ST8SIA2: variants seen among roughly 807,000 people sequenced by gnomAD.
ST8SIA2 encodes the protein alpha-2,8-sialyltransferase 8B.
A neutral mutation model predicts 37.6 loss-of-function variants in ST8SIA2; 22 were observed. That is an observed-to-expected ratio of 0.58 (90% confidence interval 0.42 to 0.83). The LOEUF (loss-of-function observed/expected upper bound fraction) is 0.83. Ranked by LOEUF, ST8SIA2 falls within the 40% of genes least tolerant of loss-of-function variation. ST8SIA2 has a pLI of 0.00. For missense variants in ST8SIA2, 382 were observed against 484.7 expected, an observed-to-expected ratio of 0.79 and a Z score of 1.99; for synonymous variants, 205 against 201.2, an observed-to-expected ratio of 1.02 and a Z score of -0.16.
At chr15:92,416,807 A>G (rs1181096138) in intron 1 of ST8SIA2, among the ~76,000 whole-genome samples, 1 of 151,896 alleles carries the variant, frequency 6.6e-6, no homozygotes, top group East Asian at 1.9e-4. Context: ...AAAAATGCAC[A>G]TGTCCACTCC....
intron 1 of ST8SIA2, among the ~76,000 whole-genome samples, chr15:92,412,618 G>A (rs2049557856): frequency 6.6e-6 from 1 of 152,088 alleles, no homozygotes; most frequent in Non-Finnish European, 1.5e-5. Flanking sequence ...ATGCAGTCTG[G>A]TATGCACCAC....
At position 92,448,576 on chromosome 15, in the gene ST8SIA2, C is replaced by G. The variant is rs545347719; in HGVS notation, c.842+3647C>G. The stretch of plus-strand genomic sequence containing the variant: ...AAGGGTCCAGACCCCAGCTCCGTGA[C>G]TGGCTTGGTTGTATCACCTGCCTTC... On this transcript the variant is annotated intron_variant, in intron 5 of 5. Transcript: ENST00000268164. Among the ~76,000 whole-genome samples, 17 of 152,368 alleles carry G rather than the reference C, an allele frequency of 1.1e-4. No individual in the cohort carries two copies. The East Asian group carries it at 3.3e-3, about 29-fold the overall frequency.
chr15:92,423,775 A>T (rs2049654404), intron 1 of ST8SIA2, among the ~76,000 whole-genome samples: 1 of 152,272 alleles, frequency 6.6e-6, no homozygotes, highest in African/African-American at 2.4e-5. Flanking sequence ...GTTGCATTGG[A>T]GGTTAATTTT....
intron 1 of ST8SIA2, among the ~76,000 whole-genome samples, chr15:92,397,913 A>G (rs2049443009): frequency 6.6e-6 from 1 of 152,180 alleles, no homozygotes; most frequent in Admixed American, 6.5e-5. Context: ...CAGGTAGATC[A>G]CCTGAGGTCA....
intron 2 of ST8SIA2, among the ~76,000 whole-genome samples, chr15:92,431,722 C>T (rs187896098): frequency 3.9e-5 from 6 of 152,268 alleles, no homozygotes; most frequent in African/African-American, 1.4e-4. Context: ...ACCTGTGAAC[C>T]GAGGTGGACC....
intron 1 of ST8SIA2, chr15:92,421,347 A>G (rs1445898453): frequency 2.6e-5 from 4 of 152,216 alleles, no homozygotes; most frequent in East Asian, 3.8e-4. Context: ...TGCTTTTCAC[A>G]TCGTAGAGCA....
chr15:92,394,050 G>A lies in ST8SIA2; in HGVS notation c.-15G>A, dbSNP rs1407003467. 6.5e-7 allele frequency: 1 copy of A among 1,544,828 alleles called. No homozygotes were observed. The highest frequency in any genetic ancestry group is 8.7e-7 in the Non-Finnish European group (1 of 1,144,104). On this transcript the variant is annotated 5_prime_UTR_variant, in exon 1 of 6. Transcript: ENST00000268164. ...CGCGCCGGCCCGCGTGGGTCCCGGC[G>A]GGCGCGAACCCACCATGCAGCTGCA...
intron 1 of ST8SIA2, among the ~76,000 whole-genome samples, chr15:92,398,886 A>G (rs2049451117): frequency 6.6e-6 from 1 of 152,226 alleles, no homozygotes; most frequent in Non-Finnish European, 1.5e-5. Flanking sequence ...GTTCTTCTAA[A>G]GGCCCAGAGT....
In ST8SIA2 at chr15:92,436,897, G is replaced by A. The variant is rs569399617; in HGVS notation, c.291-1456G>A. ...ACCTGGACACACATTAAAGTCACCC[G>A]GGGAGCTTTTGAGAGCAATGCTGAG... is the stretch of plus-strand genomic sequence containing the variant. On this transcript the variant is annotated intron_variant, in intron 3 of 5. Coordinates refer to ENST00000268164, the MANE Select transcript of ST8SIA2 (RefSeq NM_006011.4). Among the ~76,000 whole-genome samples the A allele has an allele frequency of 2.8e-4, 43 of 152,236 alleles. 2 individuals are homozygous for A. The South Asian group carries it at 8.5e-3, about 30-fold the overall frequency.
At chr15:92,446,154 A>C (rs1362936901) in intron 5 of ST8SIA2, among the ~76,000 whole-genome samples, 1 of 152,224 alleles carries the variant, frequency 6.6e-6, no homozygotes, top group Non-Finnish European at 1.5e-5. Flanking sequence ...AGGTGCAGTC[A>C]GACTGGCTAG....
chr15:92,449,320 T>A (rs1480272538), intron 5 of ST8SIA2, among the ~76,000 whole-genome samples: 1 of 152,202 alleles, frequency 6.6e-6, no homozygotes, highest in Non-Finnish European at 1.5e-5. Context: ...TCAGGGACAG[T>A]TACTTGTGAA....
At position 92,467,630 on chromosome 15, in the gene ST8SIA2, TA is replaced by T. The variant is rs1371119229; in HGVS notation, c.*3246del. 2.6e-5 allele frequency: 4 copies of T among 152,202 alleles called. No homozygotes were observed. Among genetic ancestry groups the T allele is most frequent in the Non-Finnish European group, 5.9e-5 (4 of 68,044 alleles). The allele number at this position is 152,202 out of a possible 1,614,324, so 9.4% of individuals were successfully genotyped here. On this transcript the variant is annotated 3_prime_UTR_variant, in exon 6 of 6. Transcript: ENST00000268164. ...TTATATATGTATGTATTTTTTTATT[TA>T]TTATTTATTTATTGAAACCCCTACT...
intron 5 of ST8SIA2, among the ~76,000 whole-genome samples, chr15:92,449,198 T>A (rs929974133): frequency 1.3e-5 from 2 of 152,172 alleles, no homozygotes; most frequent in African/African-American, 2.4e-5. Context: ...GCCATCTTTA[T>A]GTCCATGAAT....
intron 1 of ST8SIA2, among the ~76,000 whole-genome samples, chr15:92,427,540 C>A (rs999602945): frequency 6.6e-6 from 1 of 152,066 alleles, no homozygotes; most frequent in Admixed American, 6.6e-5. Context: ...TTAAATCTGT[C>A]GACATTTTTT....
At chr15:92,460,790 A>G (rs1464802393) in intron 5 of ST8SIA2, among the ~76,000 whole-genome samples, 1 of 152,230 alleles carries the variant, frequency 6.6e-6, no homozygotes, top group Non-Finnish European at 1.5e-5. Context: ...TGCTTCATGA[A>G]GGTGAAAGAA....
intron 1 of ST8SIA2, among the ~76,000 whole-genome samples, chr15:92,423,377 C>T (rs961369757): frequency 6.6e-6 from 1 of 152,226 alleles, no homozygotes; most frequent in Non-Finnish European, 1.5e-5. Flanking sequence ...GCTGAGATCA[C>T]GCCCCTATAC....
chr15:92,452,983 C>T (rs2049893015), intron 5 of ST8SIA2, among the ~76,000 whole-genome samples: 1 of 152,124 alleles, frequency 6.6e-6, no homozygotes, highest in Non-Finnish European at 1.5e-5. Flanking sequence ...TCATTCAACA[C>T]ATCTGAGTCT....
At chr15:92,462,139 G>T (rs184169566) in intron 5 of ST8SIA2, among the ~76,000 whole-genome samples, 96 of 152,284 alleles carry the variant, frequency 6.3e-4, no homozygotes, top group African/African-American at 1.8e-3. Context: ...CGGGAGAATC[G>T]TGTTCACTCC....
intron 1 of ST8SIA2, among the ~76,000 whole-genome samples, chr15:92,422,036 TG>T (rs1470095617): frequency 3.3e-5 from 5 of 152,238 alleles, no homozygotes; most frequent in Non-Finnish European, 5.9e-5. Flanking sequence ...TTTTCTCTCT[TG>T]TTACTTAAGT....
Sources: gnomAD v4.1 joint callset for allele counts (sites outside exome capture counted in the v4.1 genomes callset) on GRCh38, gnomAD v4.1.1 for gene constraint, MANE v1.5 for transcripts, NCBI Gene and HGNC (gene_info 2026-07-23, HGNC 2026-07-21) for gene names.